The following SLC39A11 variants were observed in gnomAD, a reference collection of about 807,000 sequenced individuals.
SLC39A11 encodes the protein zinc transporter ZIP11.
SLC39A11 carries 33 observed loss-of-function variants against 36.1 expected under a neutral mutation model. That is an observed-to-expected ratio of 0.91 (90% CI 0.69 to 1.22). The LOEUF (loss-of-function observed/expected upper bound fraction) is 1.22, where lower values mean the gene tolerates loss of function less well. Ranked by LOEUF, SLC39A11 falls within the 50% of genes most tolerant of loss-of-function variation. The probability of loss-of-function intolerance (pLI) is 0.00; values close to 1 mark genes in which losing one functional copy is unlikely to be tolerated. For synonymous variants in SLC39A11, 166 were observed against 170.3 expected (o/e 0.97, Z 0.20); for missense variants, 432 against 430.3 (o/e 1.00, Z -0.03).
intron 3 of SLC39A11, among the ~76,000 whole-genome samples, chr17:73,049,222 A>G (rs1487154353): frequency 6.6e-6 from 1 of 152,214 alleles, no homozygotes; most frequent in Non-Finnish European, 1.5e-5. Context: ...CAAAGGCGCT[A>G]CAGCACTCCA....
At chr17:73,091,742 C>T (rs975541807) in intron 1 of SLC39A11, 1 of 152,232 alleles carries the variant, frequency 6.6e-6, no homozygotes, top group Admixed American at 6.5e-5. Context: ...TTCCATCAAC[C>T]CTGATTCGTT....
At chr17:73,020,005 A>G (rs2058289303) in intron 4 of SLC39A11, among the ~76,000 whole-genome samples, 1 of 152,182 alleles carries the variant, frequency 6.6e-6, no homozygotes, top group Non-Finnish European at 1.5e-5. Flanking sequence ...AAAAAGTATT[A>G]TAACTTAATT....
intron 3 of SLC39A11, among the ~76,000 whole-genome samples, chr17:73,074,298 C>A (rs1464155580): frequency 7.2e-6 from 1 of 139,316 alleles, no homozygotes; most frequent in Non-Finnish European, 1.6e-5. Context: ...TACAATTATT[C>A]CCCCCACCCC....
At chr17:73,054,888 G>A (rs2059619423) in intron 3 of SLC39A11, among the ~76,000 whole-genome samples, 1 of 151,814 alleles carries the variant, frequency 6.6e-6, no homozygotes, top group Admixed American at 6.6e-5. Flanking sequence ...CAATCCCATC[G>A]TGGAGGGGGC....
In SLC39A11 at chr17:72,647,649, G is replaced by A; in HGVS notation, c.943C>T (p.Leu315=). The A allele has an allele frequency of 1.2e-6, 2 of 1,613,900 alleles. No individual in the cohort carries two copies. Among genetic ancestry groups the A allele is most frequent in the Non-Finnish European group, 8.5e-7 (1 of 1,179,862 alleles). Residue 315 remains leucine (L), a synonymous_variant, in exon 10 of 10, where the codon CTG becomes TTG. Transcript: ENST00000255559. The stretch of plus-strand genomic sequence containing the variant: ...CCCAGGATGGAGGCCCAGGATGCCA[G>A]TTTCCCATTACCACTGGAAGAGAAG... The part of the protein sequence containing the change: ...PEAQISGNGK[L]ASWASILGFV...
At chr17:73,071,752 A>G (rs995596049) in intron 3 of SLC39A11, among the ~76,000 whole-genome samples, 1 of 152,244 alleles carries the variant, frequency 6.6e-6, no homozygotes, top group Non-Finnish European at 1.5e-5. Context: ...AAGCAATCAC[A>G]TGCAATATTT....
intron 5 of SLC39A11, among the ~76,000 whole-genome samples, chr17:72,874,690 C>A (rs568963321): frequency 6.6e-6 from 1 of 152,146 alleles, no homozygotes; most frequent in Non-Finnish European, 1.5e-5. Flanking sequence ...GAGGAAAGAG[C>A]GAGCCCTGAA....
intron 6 of SLC39A11, among the ~76,000 whole-genome samples, chr17:72,783,785 G>C (rs545944169): frequency 6.6e-6 from 1 of 152,172 alleles, no homozygotes; most frequent in African/African-American, 2.4e-5. Flanking sequence ...GTTAACAGGC[G>C]CCCACGTCAC....
At chr17:72,773,545 TTG>T in intron 6 of SLC39A11, among the ~76,000 whole-genome samples, 1 of 152,208 alleles carries the variant, frequency 6.6e-6, no homozygotes, top group East Asian at 1.9e-4. Flanking sequence ...CCACATGGAA[TTG>T]TGAGTCCATT....
chr17:72,665,535 C>G (rs149662776), intron 7 of SLC39A11, among the ~76,000 whole-genome samples: 1 of 151,584 alleles, frequency 6.6e-6, no homozygotes, highest in Non-Finnish European at 1.5e-5. Flanking sequence ...GCATGTGCTA[C>G]CAGGCCCAGC....
chr17:73,044,878 G>GAAAA (rs11298701), intron 3 of SLC39A11, among the ~76,000 whole-genome samples: 14 of 119,028 alleles, frequency 1.2e-4, no homozygotes, highest in African/African-American at 1.9e-4. Flanking sequence ...CTCTGTCTCA[G>GAAAA]AAAAAAAAAA....
intron 6 of SLC39A11, among the ~76,000 whole-genome samples, chr17:72,804,771 C>T (rs1243007634): frequency 2.0e-5 from 3 of 152,140 alleles, no homozygotes; most frequent in Admixed American, 2.0e-4. Context: ...ACCTGTAATC[C>T]CAGTGCTCTG....
chr17:72,738,535 G>A (rs543827025), intron 6 of SLC39A11, among the ~76,000 whole-genome samples: 31 of 152,236 alleles, frequency 2.0e-4, no homozygotes, highest in Non-Finnish European at 3.5e-4. Flanking sequence ...GCTGGTCTGC[G>A]TGTATCTGAT....
At chr17:72,680,604 A>T (rs2071472276) in intron 7 of SLC39A11, among the ~76,000 whole-genome samples, 1 of 152,196 alleles carries the variant, frequency 6.6e-6, no homozygotes, top group Non-Finnish European at 1.5e-5. Flanking sequence ...AGCCATGTGG[A>T]ACTGTGAGTC....
chr17:72,758,315 G>A (rs916540562), intron 6 of SLC39A11, among the ~76,000 whole-genome samples: 3 of 152,186 alleles, frequency 2.0e-5, no homozygotes, highest in African/African-American at 7.2e-5. Context: ...GTGACAATAA[G>A]ACAATACTTG....
chr17:72,654,400 G>A (rs962800336), intron 7 of SLC39A11, among the ~76,000 whole-genome samples: 3 of 152,202 alleles, frequency 2.0e-5, no homozygotes, highest in East Asian at 1.9e-4. Flanking sequence ...GCAGAAATGC[G>A]GCCTGTTCTC....
At chr17:72,707,819 T>G (rs779220095) in intron 7 of SLC39A11, among the ~76,000 whole-genome samples, 4 of 152,242 alleles carry the variant, frequency 2.6e-5, no homozygotes, top group Non-Finnish European at 5.9e-5. Flanking sequence ...AGTTCAGCCT[T>G]GAAGCCTCTT....
intron 1 of SLC39A11, chr17:73,092,127 G>A (rs562983748): frequency 4.5e-4 from 68 of 152,224 alleles, no homozygotes; most frequent in African/African-American, 1.5e-3. Flanking sequence ...CTGGGAATTA[G>A]TTAGAAATGC....
chr17:73,020,465 A>G (rs183297067), intron 4 of SLC39A11, among the ~76,000 whole-genome samples: 296 of 152,280 alleles, frequency 1.9e-3, no homozygotes, highest in Non-Finnish European at 2.7e-3. Flanking sequence ...GCCAGACTTC[A>G]GTATTTTTTT....
Sources: allele counts gnomAD v4.1 joint callset (sites outside exome capture counted in the v4.1 genomes callset), GRCh38; gene constraint gnomAD v4.1.1; transcripts MANE v1.5; gene names NCBI Gene and HGNC (gene_info 2026-07-23, HGNC 2026-07-21).